STK32B: variants seen among roughly 807,000 people sequenced by gnomAD.
STK32B encodes serine/threonine kinase 32B, also known as serine/threonine-protein kinase 32B.
In STK32B, 43 loss-of-function variants were observed where a neutral mutation model predicts 52.6. That is an observed-to-expected ratio of 0.82 (90% CI 0.64 to 1.05). The LOEUF (loss-of-function observed/expected upper bound fraction) is 1.05. STK32B is among the 50% of genes least tolerant of loss of function. The pLI is 0.00. For synonymous variants in STK32B, 238 were observed against 204.3 expected (o/e 1.17, Z -1.41); for missense variants, 621 against 534.6 (o/e 1.16, Z -1.59).
chr4:5,119,574 C>A (rs974182322), intron 1 of STK32B, among the ~76,000 whole-genome samples: 1 of 152,226 alleles, frequency 6.6e-6, no homozygotes, highest in Non-Finnish European at 1.5e-5. Context: ...GGCTTCTGTT[C>A]TCAAGGTTTA....
At chr4:5,234,063 T>TGA (rs1577223798) in intron 3 of STK32B, among the ~76,000 whole-genome samples, 1 of 152,026 alleles carries the variant, frequency 6.6e-6, no homozygotes, top group East Asian at 1.9e-4. Context: ...GCTGACCTCA[T>TGA]GTGATCTGAT....
chr4:5,317,044 T>TATATATA (rs1553871459), intron 3 of STK32B, among the ~76,000 whole-genome samples: 2 of 26,516 alleles, frequency 7.5e-5, no homozygotes, highest in South Asian at 1.8e-3. Flanking sequence ...TAATATATTA[T>TATATATA]ATATATAATA....
chr4:5,172,195 A>G (rs1719436490), intron 3 of STK32B, among the ~76,000 whole-genome samples: 1 of 152,188 alleles, frequency 6.6e-6, no homozygotes, highest in Non-Finnish European at 1.5e-5. Flanking sequence ...TTATTAGGTT[A>G]AGGAGATTTT....
chr4:5,047,694 G>A (rs1381628948), upstream of STK32B, among the ~76,000 whole-genome samples: 1 of 152,158 alleles, frequency 6.6e-6, no homozygotes, highest in African/African-American at 2.4e-5. Context: ...AGGAAAGCCG[G>A]GTAGAAATCA....
chr4:5,300,557 T>A (rs1002894769), intron 3 of STK32B, among the ~76,000 whole-genome samples: 1 of 152,164 alleles, frequency 6.6e-6, no homozygotes, highest in Non-Finnish European at 1.5e-5. Context: ...AAAAGACCCC[T>A]AACCCTGATA....
intron 3 of STK32B, among the ~76,000 whole-genome samples, chr4:5,316,883 TATATATATTATATATAATATATA>T (rs1730913499): frequency 0.022 from 65 of 2,896 alleles, 4 homozygotes; most frequent in Non-Finnish European, 0.025. Flanking sequence ...TATAATATAT[TATATATATTATATATAATATATA>T]ATATATATGA....
At chr4:5,170,829 A>T (rs1481818417) in intron 3 of STK32B, among the ~76,000 whole-genome samples, 1 of 152,200 alleles carries the variant, frequency 6.6e-6, no homozygotes, top group Non-Finnish European at 1.5e-5. Flanking sequence ...ATACCCAGTA[A>T]TGGGATGGCT....
At chr4:5,445,962 C>T (rs1302860310) in intron 6 of STK32B, among the ~76,000 whole-genome samples, 6 of 152,294 alleles carry the variant, frequency 3.9e-5, no homozygotes, top group African/African-American at 1.2e-4. Context: ...GCACAGAGCT[C>T]TAAGTGTCCA....
intron 4 of STK32B, among the ~76,000 whole-genome samples, chr4:5,368,131 C>T (rs6844813): frequency 0.034 from 5,134 of 152,274 alleles, 110 homozygotes; most frequent in East Asian, 0.075. Flanking sequence ...AACCCATGTT[C>T]GTCCTTTTGC....
intron 3 of STK32B, among the ~76,000 whole-genome samples, chr4:5,301,178 C>A (rs1729527475): frequency 6.6e-6 from 1 of 151,984 alleles, no homozygotes; most frequent in African/African-American, 2.4e-5. Context: ...GATTCTGTTC[C>A]TAGCTTTCGT....
intron 2 of STK32B, among the ~76,000 whole-genome samples, chr4:5,141,284 G>A (rs139786357): frequency 1.5e-4 from 23 of 152,312 alleles, no homozygotes; most frequent in South Asian, 4.1e-4. Context: ...CTTGATAATA[G>A]CATGACATGT....
chr4:5,196,334 GTTTTTTTTTT>G (rs35605834), intron 3 of STK32B, among the ~76,000 whole-genome samples: 1,289 of 87,800 alleles, frequency 0.015, 21 homozygotes, highest in African/African-American at 0.054. Flanking sequence ...TCTTTCTTCA[GTTTTTTTTTT>G]TTTTTTTTTT....
intron 1 of STK32B, among the ~76,000 whole-genome samples, chr4:5,133,143 C>T (rs1295777806): frequency 6.6e-6 from 1 of 152,218 alleles, no homozygotes; most frequent in Non-Finnish European, 1.5e-5. Context: ...TGTCTCCTTG[C>T]ACCAGAAGGT....
At chr4:5,417,048 A>T in intron 6 of STK32B, 114 bp downstream of exon 6, 1 of 935,494 alleles carries the variant, frequency 1.1e-6, no homozygotes, top group Non-Finnish European at 1.6e-6. Flanking sequence ...CCATGCTCAC[A>T]TGAGGTTCCA....
chr4:5,194,406 G>A (rs1056075761), intron 3 of STK32B, among the ~76,000 whole-genome samples: 2 of 152,282 alleles, frequency 1.3e-5, no homozygotes, highest in African/African-American at 2.4e-5. Flanking sequence ...CTCATTGGGC[G>A]GAGATTCTCA....
chr4:5,313,088 TGGAGCAAAA>T (rs1402703466), intron 3 of STK32B, among the ~76,000 whole-genome samples: 1 of 148,110 alleles, frequency 6.8e-6, no homozygotes, highest in Non-Finnish European at 1.5e-5. Flanking sequence ...ATTATTAGGT[TGGAGCAAAA>T]GTAATTGTGG....
intron 4 of STK32B, among the ~76,000 whole-genome samples, chr4:5,393,605 G>A (rs1310341389): frequency 2.6e-5 from 4 of 152,164 alleles, no homozygotes; most frequent in Non-Finnish European, 5.9e-5. Flanking sequence ...AGGAGCAAGA[G>A]AGACAGTGGG....
At chr4:5,324,428 G>A (rs1731738380) in intron 3 of STK32B, among the ~76,000 whole-genome samples, 1 of 152,162 alleles carries the variant, frequency 6.6e-6, no homozygotes, top group African/African-American at 2.4e-5. Context: ...AGTGTTAACT[G>A]TTATTATTAT....
chr4:5,373,720 C>T (rs1334515300), intron 4 of STK32B, among the ~76,000 whole-genome samples: 1 of 152,198 alleles, frequency 6.6e-6, no homozygotes. Context: ...CTCCCCATCC[C>T]ACCGATTTTG....
Sources: gnomAD v4.1 joint callset for allele counts (sites outside exome capture counted in the v4.1 genomes callset) on GRCh38, gnomAD v4.1.1 for gene constraint, MANE v1.5 for transcripts, NCBI Gene and HGNC (gene_info 2026-07-23, HGNC 2026-07-21) for gene names.